Variants in SYCP2 observed in about 807,000 individuals in gnomAD.
SYCP2 encodes the protein synaptonemal complex protein 2.
SYCP2 carries 55 observed loss-of-function variants against 211.3 expected under a neutral mutation model. The ratio of observed to expected loss-of-function variants is 0.26; its 90% CI spans 0.21 to 0.33. SYCP2 has a LOEUF of 0.33. Ranked by LOEUF, SYCP2 falls within the 10% of genes least tolerant of loss-of-function variation. The pLI, the probability that SYCP2 is intolerant of heterozygous loss-of-function variation, is 1.00. For missense variants in SYCP2, 1,731 were observed against 1,752.0 expected (o/e 0.99, Z 0.21); for synonymous variants, 570 against 555.2 (o/e 1.03, Z -0.37).
At chr20:59,867,677 T>C (rs1307133117) in intron 39 of SYCP2, 34 bp downstream of exon 39, 1 of 1,543,920 alleles carries the variant, frequency 6.5e-7, no homozygotes, top group African/African-American at 1.4e-5. Context: ...TATTATATTA[T>C]TGGGTATAAA....
At chr20:59,892,841 C>G in intron 22 of SYCP2, 140 bp from the exon 23 acceptor site, 25 of 697,992 alleles carry the variant, frequency 3.6e-5, no homozygotes, top group Non-Finnish European at 4.9e-5. Flanking sequence ...TCTTACAGTT[C>G]TACTGTATAT....
At chr20:59,865,766 C>T in intron 42 of SYCP2, 41 bp downstream of exon 42, 3 of 1,162,792 alleles carry the variant, frequency 2.6e-6, no homozygotes, top group Non-Finnish European at 3.4e-6. Context: ...ATTTAAAAAT[C>T]TAATTTTATA....
chr20:59,882,017 A>G lies in SYCP2; in HGVS notation c.2601-15T>C, dbSNP rs1157374409. ...AAACATCATTCCTGTGAAAATGAAG[A>G]GCAATATTAGCTCCACTTAAATATG... On this transcript the variant is annotated splice_polypyrimidine_tract_variant and intron_variant, in intron 27 of 44. Transcript: ENST00000357552. 59 of 1,611,306 alleles carry G rather than the reference A, an allele frequency of 3.7e-5. No homozygotes were observed. Among genetic ancestry groups the G allele is most frequent in the Non-Finnish European group, 5.0e-5 (59 of 1,177,978 alleles).
At chr20:59,924,976 T>TACCA (rs139687078) in intron 2 of SYCP2, among the ~76,000 whole-genome samples, 7,157 of 152,106 alleles carry the variant, frequency 0.047, 255 homozygotes, top group African/African-American at 0.099. Flanking sequence ...CACTACTTCA[T>TACCA]ACCATCTCAT....
At chr20:59,886,475 G>GT (rs1302170697) in intron 25 of SYCP2, among the ~76,000 whole-genome samples, 1 of 151,896 alleles carries the variant, frequency 6.6e-6, no homozygotes, top group Non-Finnish European at 1.5e-5. Flanking sequence ...GTATTGATGT[G>GT]TTTTTTGATC....
chr20:59,874,543 A>C (rs1406404637), intron 34 of SYCP2, among the ~76,000 whole-genome samples: 3 of 152,096 alleles, frequency 2.0e-5, no homozygotes, highest in African/African-American at 7.2e-5. Flanking sequence ...GGGCATGTAC[A>C]TCTATCTCCT....
chr20:59,871,210 A>C (rs566872567), intron 35 of SYCP2, among the ~76,000 whole-genome samples: 20 of 152,118 alleles, frequency 1.3e-4, no homozygotes, highest in Middle Eastern at 3.4e-3. Context: ...AAATTCACAA[A>C]ATGGCCAAAA....
chr20:59,867,620 G>T, intron 39 of SYCP2, 91 bp downstream of exon 39: 1 of 1,141,398 alleles, frequency 8.8e-7, no homozygotes, highest in South Asian at 1.5e-5. Flanking sequence ...ATATTTTGTT[G>T]CCAAAGGATC....
At chr20:59,929,554 G>A (rs985074614) in intron 2 of SYCP2, among the ~76,000 whole-genome samples, 2 of 152,148 alleles carry the variant, frequency 1.3e-5, no homozygotes, top group African/African-American at 4.8e-5. Flanking sequence ...ACTGAATTCA[G>A]TAGCTGAATA....
intron 24 of SYCP2, among the ~76,000 whole-genome samples, chr20:59,889,559 A>G (rs1272785826): frequency 6.6e-6 from 1 of 151,996 alleles, no homozygotes; most frequent in Non-Finnish European, 1.5e-5. Flanking sequence ...TTGTAGTAAT[A>G]TACACAAAAA....
In SYCP2 at chr20:59,892,157, T is replaced by C. The variant is rs754116835; in HGVS notation, c.2197A>G (p.Ile733Val). 6 of 1,612,264 alleles carry C rather than the reference T, an allele frequency of 3.7e-6. No individual in the cohort carries two copies. Among genetic ancestry groups the C allele is most frequent in the South Asian group, 3.3e-5 (3 of 90,948 alleles). Residue 733 changes from isoleucine to valine, a missense_variant, in exon 24 of 45, where the codon ATT becomes GTT. Transcript: ENST00000357552. ...TTCCTATATATCAGCGATTCTTCAA[T>C]TGTCTTATTTAGGAGAACCGATTTA... ...TFKSVLLNKT[I>V]EESLIYRKKY...
intron 15 of SYCP2, among the ~76,000 whole-genome samples, chr20:59,904,836 T>C (rs2060184781): frequency 6.6e-6 from 1 of 152,074 alleles, no homozygotes; most frequent in Admixed American, 6.6e-5. Flanking sequence ...CTTTTAATCA[T>C]TGCAGAAGGC....
Position 59,932,827 on chromosome 20 carries a change from G to A in SYCP2, c.-139-673C>T, listed in dbSNP as rs372401957. On this transcript the variant is annotated intron_variant, in intron 1 of 44. Coordinates refer to ENST00000357552, the MANE Select transcript of SYCP2 (RefSeq NM_014258.4). ...GGCCCAGCTGCGCGGAGGGGCTGGC[G>A]GCCTCAACCGCAAGGAGAGGCCGCA... Among the ~76,000 whole-genome samples the A allele has an allele frequency of 8.3e-4, 127 of 152,230 alleles. 3 individuals are homozygous for A. In the South Asian group the frequency reaches 0.024, roughly 29 times the overall value.
intron 31 of SYCP2, among the ~76,000 whole-genome samples, chr20:59,879,827 ATATATATAT>A (rs1568921803): frequency 1.7e-4 from 1 of 5,728 alleles, no homozygotes; most frequent in Non-Finnish European, 3.2e-4. Flanking sequence ...AAATAAATAT[ATATATATAT>A]ATATATATAT....
At chr20:59,875,870 G>A (rs1222548996) in intron 33 of SYCP2, among the ~76,000 whole-genome samples, 1 of 152,080 alleles carries the variant, frequency 6.6e-6, no homozygotes, top group Non-Finnish European at 1.5e-5. Context: ...AGAGGCACAG[G>A]TCTTTTTTGG....
chr20:59,872,047 A>G (rs2059461955), intron 35 of SYCP2, among the ~76,000 whole-genome samples: 1 of 151,854 alleles, frequency 6.6e-6, no homozygotes, highest in African/African-American at 2.4e-5. Context: ...TATTTGGGAG[A>G]AGGAGGTGAA....
intron 21 of SYCP2, 74 bp from the exon 22 acceptor site, chr20:59,893,273 A>C (rs1173983626): frequency 2.9e-6 from 3 of 1,028,146 alleles, no homozygotes; most frequent in African/African-American, 3.3e-5. Context: ...GTTAGTATAG[A>C]AATCTATAAA....
intron 15 of SYCP2, among the ~76,000 whole-genome samples, chr20:59,905,490 AAAAG>A (rs1486662611): frequency 6.6e-6 from 1 of 152,158 alleles, no homozygotes; most frequent in Non-Finnish European, 1.5e-5. Context: ...AAAGTGTTCT[AAAAG>A]AAAGAAGCTG....
At chr20:59,899,083 A>C (rs1403850871) in intron 18 of SYCP2, among the ~76,000 whole-genome samples, 1 of 152,124 alleles carries the variant, frequency 6.6e-6, no homozygotes, top group African/African-American at 2.4e-5. Flanking sequence ...TTTTTCAGGT[A>C]TCTCATAGGA....
Sources: allele counts gnomAD v4.1 joint callset (sites outside exome capture counted in the v4.1 genomes callset), GRCh38; gene constraint gnomAD v4.1.1; transcripts MANE v1.5; gene names NCBI Gene and HGNC (gene_info 2026-07-23, HGNC 2026-07-21).